Variants in MUC5AC observed in about 807,000 individuals in gnomAD.
The protein encoded by MUC5AC is mucin-5AC.
Under a neutral mutation model 169.7 loss-of-function variants are expected in MUC5AC, and 158 were observed. That is an observed-to-expected ratio of 0.93 (90% CI 0.82 to 1.06). The LOEUF is 1.06. Ranked by LOEUF, MUC5AC falls within the 50% of genes least tolerant of loss-of-function variation. MUC5AC has a pLI of 0.00. For missense variants in MUC5AC, 4,359 were observed against 3,089.9 expected (o/e 1.41, Z -9.74); for synonymous variants, 1,975 against 1,237.0 (o/e 1.60, Z -12.52).
rs763384098 is a variant in MUC5AC at position 1,165,302 on chromosome 11, G to T, written c.1130G>T (p.Gly377Val). The change falls in exon 10 of 49, where the codon GGG becomes GTG. Residue 377 changes from glycine (G) to valine (V), a missense_variant and splice_region_variant. Transcript: ENST00000621226. ...TCATAGGCCTGCCTGACCCCTGCAG[G>T]GACGGTGCTTGACGACATCGGCCAG... Reference protein sequence around the residue: ...HCVAGCFCPEGTVLDDIGQTG... With the variant: ...HCVAGCFCPEVTVLDDIGQTG... 1.0e-4 allele frequency: 167 copies of T among 1,611,200 alleles called. No homozygotes were observed. The highest frequency in any genetic ancestry group is 1.4e-4 in the Non-Finnish European group (162 of 1,179,226).
chr11:1,180,288 G>A (rs990833732), intron 27 of MUC5AC, 66 bp from the exon 28 acceptor site: 40 of 398,542 alleles, frequency 1.0e-4, no homozygotes, highest in Non-Finnish European at 1.6e-4. Context: ...GGGGCTGGGC[G>A]GAGCCCTCCA....
In MUC5AC at chr11:1,181,399, C is replaced by A. The variant is rs2133751060; in HGVS notation, c.3949C>A (p.Pro1317Thr). ...ANGTIERRVY[P>T]CSPTTPVPPT... is the part of the protein sequence containing the mutation. ...CGGCACCATTGAGAGGAGGGTCTAC[C>A]CCTGCAGCCCCACCACCCCTGTCCC... The change falls in exon 30 of 49, where the codon CCC becomes ACC. Residue 1317 changes from proline to threonine, a missense_variant. Pro to Thr is a conservative substitution (Grantham distance 38). Transcript: ENST00000621226. 5.3e-5 allele frequency: 21 copies of A among 398,542 alleles called. No individual in the cohort carries two copies. In the East Asian group the frequency reaches 7.5e-4, roughly 14 times the overall value. 24.7% of individuals were successfully genotyped at this position (398,542 alleles called of 1,614,324 possible).
chr11:1,186,625 G>A lies in MUC5AC; in HGVS notation c.8480G>A (p.Ser2827Asn). Residue 2827 changes from serine to asparagine, a missense_variant, in exon 31 of 49, where the codon AGC (serine) becomes AAC (asparagine). Transcript: ENST00000621226. ...QTSTTSAPTT[S>N]TTSGPGTTSS... ...AGCACAACTTCGGCTCCTACAACCA[G>A]CACAACTTCTGGTCCTGGAACTACT... 1.4e-6 allele frequency: 1 copy of A among 726,890 alleles called. No individual in the cohort carries two copies. Among genetic ancestry groups the A allele is most frequent in the East Asian group, 2.5e-5 (1 of 39,324 alleles). 45.0% of individuals were successfully genotyped at this position (726,890 alleles called of 1,614,324 possible). A position where few individuals can be genotyped will look rare whatever the true frequency, so the allele number is the denominator to read the frequency against.
At position 1,199,730 on chromosome 11, in the gene MUC5AC, C is replaced by T; in HGVS notation, c.16551C>T (p.Arg5517=). ...EARMSKDGCC[R]FCPPPPPPYQ... is the part of the protein sequence containing the mutation. ...GCATGAGCAAGGACGGCTGCTGCCG[C>T]TTCTGCCCGCCGCCCCCGCCCCCGT... The change falls in exon 47 of 49, where the codon CGC becomes CGT. Residue 5517 remains arginine (R), a synonymous_variant. Coordinates refer to ENST00000621226, the MANE Select transcript of MUC5AC (RefSeq NM_001304359.2). The T allele has an allele frequency of 1.4e-6, 1 of 711,752 alleles. No individual in the cohort carries two copies. The highest frequency in any genetic ancestry group is 2.6e-6 in the Non-Finnish European group (1 of 390,442). The allele number at this position is 711,752 out of a possible 1,614,324, so 44.1% of individuals were successfully genotyped here.
At position 1,187,764 on chromosome 11, in the gene MUC5AC, G is replaced by A. The variant is rs1860990114; in HGVS notation, c.9619G>A (p.Val3207Ile). The change falls in exon 31 of 49, where the codon GTT (valine) becomes ATT (isoleucine). Residue 3207 changes from valine (V) to isoleucine (I), a missense_variant. Transcript: ENST00000621226. ...TGTTTCAAAGACCAGCACAAGCCAT[G>A]TTTCCATATCCAAGACAACCCACTC... ...ASVSKTSTSH[V>I]SISKTTHSQP... The A allele has an allele frequency of 1.2e-5, 9 of 765,170 alleles. No individual in the cohort carries two copies. The highest frequency in any genetic ancestry group is 1.1e-4 in the South Asian group (8 of 74,622). The allele number at this position is 765,170 out of a possible 1,614,324, so 47.4% of individuals were successfully genotyped here.
At position 1,195,906 on chromosome 11, in the gene MUC5AC, C is replaced by G. The variant is rs1861259152; in HGVS notation, c.15489C>G (p.Pro5163=). The change falls in exon 37 of 49, where the codon CCC becomes CCG. Residue 5163 remains proline, a synonymous_variant. Transcript: ENST00000621226. ...TTGAGCCGTGCCACACTGTGATCCC[C>G]CCACTGCTGTTCTATGAGGGCTGCG... ...KVFEPCHTVI[P]PLLFYEGCVF... is the part of the protein sequence containing the mutation. The G allele has an allele frequency of 1.3e-6, 1 of 764,866 alleles. No individual in the cohort carries two copies. The highest frequency in any genetic ancestry group is 2.4e-6 in the Non-Finnish European group (1 of 417,800). 47.4% of individuals were successfully genotyped at this position (764,866 alleles called of 1,614,324 possible). A position where few individuals can be genotyped will look rare whatever the true frequency, so the allele number is the denominator to read the frequency against.
intron 36 of MUC5AC, among the ~76,000 whole-genome samples, chr11:1,195,611 G>A (rs1259417227): frequency 6.6e-6 from 1 of 151,890 alleles, no homozygotes; most frequent in South Asian, 2.1e-4. Flanking sequence ...GCAGCTTCCA[G>A]GTTTGCAGGG....
chr11:1,193,773 G>A (rs1006657208), intron 33 of MUC5AC, 114 bp downstream of exon 33: 1 of 661,364 alleles, frequency 1.5e-6, no homozygotes. Flanking sequence ...AATTGGGTGG[G>A]ACAGCAGGAA....
chr11:1,162,843 C>T (rs1315902847), intron 5 of MUC5AC, 112 bp from the exon 6 acceptor site: 29 of 1,137,450 alleles, frequency 2.5e-5, no homozygotes, highest in East Asian at 7.1e-5. Context: ...AGACTGCTTT[C>T]GGGGGTGTCT....
intron 19 of MUC5AC, among the ~76,000 whole-genome samples, chr11:1,175,800 C>CCACTCATACACACA (rs1554926826): frequency 2.9e-5 from 1 of 34,134 alleles, no homozygotes; most frequent in Non-Finnish European, 5.1e-5. Context: ...GCACTCACAC[C>CCACTCATACACACA]CACCCACTCA....
In MUC5AC at chr11:1,181,021, C is replaced by G. The variant is rs1441491739; in HGVS notation, c.3777-118C>G. On this transcript the variant is annotated intron_variant, in intron 28 of 48. Transcript: ENST00000621226. ...CCCAGTCTGGGGGTGCAATGCAGTT[C>G]CCAGGGAACTCCACCCCTGTCGGAG... 1.3e-3 allele frequency: 499 copies of G among 398,260 alleles called. 2 individuals carry two copies. Among genetic ancestry groups the G allele is most frequent in the African/African-American group, 9.2e-3 (446 of 48,726 alleles). The allele number at this position is 398,260 out of a possible 1,614,324, so 24.7% of individuals were successfully genotyped here.
At position 1,195,183 on chromosome 11, in the gene MUC5AC, C is replaced by A. The variant is rs771067710; in HGVS notation, c.15362C>A (p.Thr5121Lys). The A allele has an allele frequency of 2.6e-6, 2 of 764,558 alleles. No homozygotes were observed. The highest frequency in any genetic ancestry group is 4.8e-6 in the Non-Finnish European group (2 of 417,706). 47.4% of individuals were successfully genotyped at this position (764,558 alleles called of 1,614,324 possible). ...GGGCCCACCACAGTTGGGTCTACCACGGTCGGGCCCACCACAGTTGGGTCT... is the reference window on the plus strand; with the variant it reads ...GGGCCCACCACAGTTGGGTCTACCAAGGTCGGGCCCACCACAGTTGGGTCT... ...TVGPTTVGST[T>K]VGPTTVGSTT... The change falls in exon 36 of 49, where the codon ACG (threonine) becomes AAG (lysine). Residue 5121 changes from threonine to lysine, a missense_variant. By Grantham distance (78) the Thr-to-Lys change is moderately conservative (BLOSUM62 -1). Coordinates refer to ENST00000621226, the MANE Select transcript of MUC5AC (RefSeq NM_001304359.2).
intron 11 of MUC5AC, 147 bp from the exon 12 acceptor site, chr11:1,167,730 C>T (rs1860377122): frequency 1.4e-6 from 1 of 689,856 alleles, no homozygotes; most frequent in African/African-American, 1.8e-5. Flanking sequence ...ACCTGGGGGC[C>T]TCCTAGCACA....
At chr11:1,160,721 C>T in intron 2 of MUC5AC, 32 bp downstream of exon 2, 1 of 1,587,512 alleles carries the variant, frequency 6.3e-7, no homozygotes, top group Non-Finnish European at 8.6e-7. Context: ...CCACCCTAAG[C>T]CTGTCAGATT....
At chr11:1,173,106 T>G (rs1860588041) in intron 16 of MUC5AC, among the ~76,000 whole-genome samples, 1 of 73,846 alleles carries the variant, frequency 1.4e-5, no homozygotes, top group Admixed American at 1.3e-4. Context: ...ACTCACTCAT[T>G]CATTCACTCA....
rs879181541 is a variant in MUC5AC, at chr11:1,182,855, G to A, written c.4710G>A (p.Thr1570=). ...TGGTCTCCAGCAAGCCCACCCCCAC[G>A]GAGCCCAGCACATCCTCCTGCCTGC... is the stretch of plus-strand genomic sequence containing the variant. The part of the protein sequence containing the change: ...TSVVSSKPTP[T]EPSTSSCLQE... The change falls in exon 31 of 49, where the codon ACG becomes ACA. Residue 1570 remains threonine, a synonymous_variant. Coordinates refer to ENST00000621226, the MANE Select transcript of MUC5AC (RefSeq NM_001304359.2). 110 of 398,044 alleles carry A rather than the reference G, an allele frequency of 2.8e-4. No individual in the cohort carries two copies. Among genetic ancestry groups the A allele is most frequent in the Admixed American group, 2.2e-3 (49 of 22,720 alleles). The allele number at this position is 398,044 out of a possible 1,614,324, so 24.7% of individuals were successfully genotyped here. A position where few individuals can be genotyped will look rare whatever the true frequency, so the allele number is the denominator to read the frequency against.
At chr11:1,198,768 G>C (rs1437663641) in intron 43 of MUC5AC, 106 bp from the exon 44 acceptor site, 7 of 650,918 alleles carry the variant, frequency 1.1e-5, no homozygotes, top group African/African-American at 1.8e-5. Flanking sequence ...GAAGCGGCCT[G>C]GAGGGGGATG....
intron 4 of MUC5AC, 144 bp from the exon 5 acceptor site, chr11:1,162,388 C>T (rs867305573): frequency 1.6e-5 from 16 of 1,028,056 alleles, no homozygotes; most frequent in Middle Eastern, 3.1e-4. Context: ...TCGTGACCCC[C>T]GAGCTCCAGA....
In MUC5AC at chr11:1,161,974, C is replaced by T. The variant is rs755815132; in HGVS notation, c.279C>T (p.Asp93=). The part of the protein sequence containing the change: ...TWGSFHYKTF[D]GDVFRFPGLC... ...GCAGCTTCCACTACAAGACCTTCGA[C>T]GGCGACGTCTTCCGCTTCCCCGGCC... Residue 93 remains aspartate, a synonymous_variant, in exon 4 of 49, where the codon GAC becomes GAT. Coordinates refer to ENST00000621226, the MANE Select transcript of MUC5AC (RefSeq NM_001304359.2). 3.7e-5 allele frequency: 60 copies of T among 1,612,228 alleles called. No individual in the cohort carries two copies. Among genetic ancestry groups the T allele is most frequent in the East Asian group, 6.7e-5 (3 of 44,874 alleles).
Sources: gnomAD v4.1 joint callset for allele counts (sites outside exome capture counted in the v4.1 genomes callset) on GRCh38, gnomAD v4.1.1 for gene constraint, MANE v1.5 for transcripts, NCBI Gene and HGNC (gene_info 2026-07-23, HGNC 2026-07-21) for gene names.